The following WIZ variants were observed in gnomAD, a reference collection of about 807,000 sequenced individuals.
WIZ encodes the protein protein Wiz.
In WIZ, 25 loss-of-function variants were observed where a neutral mutation model predicts 140.2. That is an observed-to-expected ratio of 0.18 (90% CI 0.13 to 0.25). WIZ has a LOEUF of 0.25. Among genes scored for constraint, WIZ ranks in the 10% least tolerant of loss-of-function variants. The pLI is 1.00. For synonymous variants in WIZ, 1,125 were observed against 1,154.3 expected (o/e 0.97, Z 0.51); for missense variants, 2,231 against 2,632.6 (o/e 0.85, Z 3.34).
chr19:15,438,881 G>C lies in WIZ; in HGVS notation c.2113C>G (p.Gln705Glu). The C allele has an allele frequency of 6.9e-7, 1 of 1,458,928 alleles. No homozygotes were observed. The highest frequency in any genetic ancestry group is 1.4e-5 in the South Asian group (1 of 73,618). The allele number at this position is 1,458,928 out of a possible 1,614,324, so 90.4% of individuals were successfully genotyped here. The change falls in exon 4 of 13, where the codon CAG becomes GAG. Residue 705 changes from glutamine to glutamate, a missense_variant. By Grantham distance (29) the Gln-to-Glu change is conservative. This residue lies in a region of WIZ where 475 missense variants were observed against 520.2 expected (regional missense o/e 0.91). Transcript: ENST00000673675. ...MAAARVPPRL[Q>E]PEELGLAGAH... is the part of the protein sequence containing the mutation. ...CCTGCCAGCCCCAGCTCCTCGGGCTGCAACCTTGGGGGCACCCTGGCTGCC... is the reference window on the plus strand; with the variant it reads ...CCTGCCAGCCCCAGCTCCTCGGGCTCCAACCTTGGGGGCACCCTGGCTGCC...
rs1018794930 is a variant in WIZ at position 15,430,022 on chromosome 19, G to A, written c.2979C>T (p.His993=). The A allele has an allele frequency of 1.5e-5, 23 of 1,535,964 alleles. No homozygotes were observed. The highest frequency in any genetic ancestry group is 2.7e-5 in the African/African-American group (2 of 73,170). ...CCAGCTGCCGCAGGTGGGAGCGCGC[G>A]TGGCTGGACAGGCCCTTTCGGGTCT... ...CFETRKGLSS[H]ARSHLRQLGV... is the part of the protein sequence containing the mutation. The change falls in exon 7 of 13, where the codon CAC becomes CAT. Residue 993 remains histidine, a synonymous_variant. Coordinates refer to ENST00000673675, the MANE Select transcript of WIZ (RefSeq NM_001371589.1).
intron 12 of WIZ, among the ~76,000 whole-genome samples, 188 bp from the exon 13 acceptor site, chr19:15,423,423 A>G (rs1215819680): frequency 6.6e-6 from 1 of 152,184 alleles, no homozygotes; most frequent in South Asian, 2.1e-4. Flanking sequence ...CCATGGGGTC[A>G]TGGCAGGGTC....
At position 15,442,869 on chromosome 19, in the gene WIZ, C is replaced by CAGGGAGAGGA; in HGVS notation, c.206-122_206-121insTCCTCTCCCT. The CAGGGAGAGGA allele has an allele frequency of 2.0e-6, 1 of 492,530 alleles. No individual in the cohort carries two copies. The highest frequency in any genetic ancestry group is 3.2e-6 in the Non-Finnish European group (1 of 312,452). The allele number at this position is 492,530 out of a possible 1,614,324, so 30.5% of individuals were successfully genotyped here. Reference sequence around the variant, plus strand: ...GGCCCTGCTGGCTCCCAGTTCCTCTCCCTGAGAGGCCCGTGGCCTCTGTGG... The same window carrying CAGGGAGAGGA: ...GGCCCTGCTGGCTCCCAGTTCCTCTCAGGGAGAGGACCTGAGAGGCCCGTGGCCTCTGTGG... On this transcript the variant is annotated intron_variant, in intron 2 of 12. Transcript: ENST00000673675. The surrounding 1 kb of genome is among the most constrained non-coding windows in gnomAD (Gnocchi z 5.5).
At position 15,421,439 on chromosome 19, in the gene WIZ, C is replaced by A. The variant is rs552099919; in HGVS notation, c.*1637G>T. On this transcript the variant is annotated 3_prime_UTR_variant, in exon 13 of 13. Coordinates refer to ENST00000673675, the MANE Select transcript of WIZ (RefSeq NM_001371589.1). ...GTAGAGGTGGCCCCTTCTGTCCACA[C>A]GCCATGAGGTCGTTCCCACTCTCCA... 11 of 152,336 alleles carry A rather than the reference C, an allele frequency of 7.2e-5. No individual in the cohort carries two copies. The highest frequency in any genetic ancestry group is 2.6e-4 in the Admixed American group (4 of 15,286). The allele number at this position is 152,336 out of a possible 1,614,324, so 9.4% of individuals were successfully genotyped here.
chr19:15,425,632 C>T lies in WIZ; in HGVS notation c.4503G>A (p.Ser1501=), dbSNP rs151280911. 79 of 1,613,526 alleles carry T rather than the reference C, an allele frequency of 4.9e-5. 1 individual carries two copies. Among genetic ancestry groups the T allele is most frequent in the South Asian group, 3.2e-4 (29 of 91,058 alleles). The change falls in exon 10 of 13, where the codon TCG becomes TCA. Residue 1501 remains serine (S), a synonymous_variant. Coordinates refer to ENST00000673675, the MANE Select transcript of WIZ (RefSeq NM_001371589.1). ...GGATCTCTCGCAGTGTGTCGATGGG[C>T]GAACCATTGACGGACCACTCGGTCA... ...MGVTEWSVNG[S]PIDTLREILK... is the part of the protein sequence containing the mutation.
Position 15,429,898 on chromosome 19 carries a change from C to T in WIZ, c.3103G>A (p.Gly1035Ser), listed in dbSNP as rs751692221. Residue 1035 changes from glycine (G) to serine (S), a missense_variant, in exon 7 of 13, where the codon GGC becomes AGC. This residue lies in a region of WIZ where 163 missense variants were observed against 166.8 expected (regional missense o/e 0.98). Coordinates refer to ENST00000673675, the MANE Select transcript of WIZ (RefSeq NM_001371589.1). ...LPDAHLGLPPGLAKKSSSLKE... is the reference protein window; with the variant it reads ...LPDAHLGLPPSLAKKSSSLKE... The stretch of plus-strand genomic sequence containing the variant: ...AGTGAGCTGGACTTCTTAGCCAGGC[C>T]TGGGGGCAGCCCAAGGTGGGCGTCA... The T allele has an allele frequency of 1.3e-6, 2 of 1,535,784 alleles. No homozygotes were observed. Among genetic ancestry groups the T allele is most frequent in the East Asian group, 2.4e-5 (1 of 40,906 alleles).
chr19:15,423,370 A>T, intron 12 of WIZ, 135 bp from the exon 13 acceptor site: 3 of 1,125,216 alleles, frequency 2.7e-6, no homozygotes, highest in Non-Finnish European at 3.7e-6. Flanking sequence ...GGGAAGAGGG[A>T]CCCAGAAGTC....
chr19:15,429,476 T>TCCCCACCCCCCCCCCCC, intron 7 of WIZ, 110 bp downstream of exon 7: 1 of 1,071,038 alleles, frequency 9.3e-7, no homozygotes, highest in Non-Finnish European at 1.2e-6. Context: ...GGAGCTGTAG[T>TCCCCACCCCCCCCCCCC]CCCCACCGCC....
At chr19:15,434,274 A>G (rs1280587028) in intron 5 of WIZ, among the ~76,000 whole-genome samples, 1 of 142,942 alleles carries the variant, frequency 7.0e-6, no homozygotes, top group Non-Finnish European at 1.5e-5. Context: ...AAAAAAAAAA[A>G]AAAAGGGCCA....
At chr19:15,446,771 C>T (rs375128250) in intron 2 of WIZ, among the ~76,000 whole-genome samples, 117 of 152,370 alleles carry the variant, frequency 7.7e-4, no homozygotes, top group South Asian at 2.1e-3. Flanking sequence ...CGGGTCATAA[C>T]ACGGTATCAT....
chr19:15,448,450 T>A, intron 1 of WIZ, 83 bp from the exon 2 acceptor site: 1 of 1,082,892 alleles, frequency 9.2e-7, no homozygotes, highest in Non-Finnish European at 1.3e-6. Flanking sequence ...ACCTCAGTCC[T>A]CAACTTTGCA....
In WIZ at chr19:15,442,437, GCC is replaced by G. The variant is rs1192115768; in HGVS notation, c.278+237_278+238del. Among the ~76,000 whole-genome samples, 2 of 152,178 alleles carry G rather than the reference GCC, an allele frequency of 1.3e-5. No homozygotes were observed. The highest frequency in any genetic ancestry group is 4.8e-5 in the African/African-American group (2 of 41,456). On this transcript the variant is annotated intron_variant, in intron 3 of 12. Transcript: ENST00000673675. This position sits in a 1 kb window ranked among gnomAD's most constrained non-coding sequence, Gnocchi z 5.5. ...TGAAGGGTCCAACATCCAGGCTCCTGCCCCTCTGGCCCTGCTCCTGGCAGGGA... is the reference window on the plus strand; with the variant it reads ...TGAAGGGTCCAACATCCAGGCTCCTGCCTCTGGCCCTGCTCCTGGCAGGGA...
intron 4 of WIZ, among the ~76,000 whole-genome samples, chr19:15,437,881 T>C (rs887700196): frequency 4.6e-5 from 7 of 152,162 alleles, no homozygotes; most frequent in Admixed American, 3.3e-4. Flanking sequence ...TTGTCTCAGC[T>C]TCCCCAGCCT....
rs1230247537 is a variant in WIZ at position 15,421,689 on chromosome 19, T to C, written c.*1387A>G. 1.3e-5 allele frequency: 2 copies of C among 152,224 alleles called. No individual in the cohort carries two copies. Among genetic ancestry groups the C allele is most frequent in the Non-Finnish European group, 2.9e-5 (2 of 68,020 alleles). The allele number at this position is 152,224 out of a possible 1,614,324, so 9.4% of individuals were successfully genotyped here. A position where few individuals can be genotyped will look rare whatever the true frequency, so the allele number is the denominator to read the frequency against. The stretch of plus-strand genomic sequence containing the variant: ...AGAAGTCACATGTATTAAAAGCAGG[T>C]GAGTTCCAGCTCTCTACAACCCCAC... On this transcript the variant is annotated 3_prime_UTR_variant, in exon 13 of 13. Transcript: ENST00000673675.
In WIZ at chr19:15,424,285, C is replaced by T; in HGVS notation, c.5408G>A (p.Arg1803Gln). 5.0e-6 allele frequency: 8 copies of T among 1,592,758 alleles called. No homozygotes were observed. Among genetic ancestry groups the T allele is most frequent in the South Asian group, 2.2e-5 (2 of 89,100 alleles). Reference protein sequence around the residue: ...NDLQQKLEEVRQPPPRVRPVP... With the variant: ...NDLQQKLEEVQQPPPRVRPVP... ...TGGCCGGACTCGGGGTGGGGGTTGC[C>T]GCACCTCCTCCAGCTTCTGCTGTAG... is the stretch of plus-strand genomic sequence containing the variant. The change falls in exon 12 of 13, where the codon CGG becomes CAG. Residue 1803 changes from arginine to glutamine, a missense_variant. Arg to Gln is a conservative substitution (Grantham distance 43). This residue lies in a region of WIZ where 299 missense variants were observed against 309.6 expected (regional missense o/e 0.97). Transcript: ENST00000673675. This position sits in a 1 kb window ranked among gnomAD's most constrained non-coding sequence, Gnocchi z 9.7.
intron 12 of WIZ, 149 bp from the exon 13 acceptor site, chr19:15,423,384 C>G: frequency 1.0e-6 from 1 of 967,596 alleles, no homozygotes. Context: ...AGAAGTCAGG[C>G]GTTTCCCATG....
chr19:15,431,266 C>T (rs1013466621), intron 5 of WIZ, 84 bp from the exon 6 acceptor site: 1 of 1,399,652 alleles, frequency 7.1e-7, no homozygotes, highest in Non-Finnish European at 9.4e-7. Context: ...TCTTCCTTAT[C>T]CTTGATGTCC....
chr19:15,441,666 A>G (rs1969751191), intron 3 of WIZ, among the ~76,000 whole-genome samples: 1 of 152,144 alleles, frequency 6.6e-6, no homozygotes, highest in African/African-American at 2.4e-5. Context: ...AATCACGCTT[A>G]TGGAACAGAT....
intron 1 of WIZ, chr19:15,449,465 ACCC>A (rs1189780926): frequency 2.0e-5 from 3 of 151,964 alleles, no homozygotes; most frequent in Admixed American, 2.0e-4. Context: ...GGGGGCTCCT[ACCC>A]GGACGCCCCC....
Sources: gnomAD v4.1 joint callset for allele counts (sites outside exome capture counted in the v4.1 genomes callset) on GRCh38, gnomAD v4.1.1 for gene constraint, gnomAD v4.1.1 regional missense constraint, Gnocchi (gnomAD v3.1) non-coding constraint, MANE v1.5 for transcripts, NCBI Gene and HGNC (gene_info 2026-07-23, HGNC 2026-07-21) for gene names.